Variants in WWOX observed in about 807,000 individuals in gnomAD.
WWOX encodes WW domain containing oxidoreductase.
Under a neutral mutation model 46.2 loss-of-function variants are expected in WWOX, and 69 were observed. That is an observed-to-expected ratio of 1.49 (90% confidence interval 1.23 to 1.82). The LOEUF (loss-of-function observed/expected upper bound fraction) is 1.82. Among genes scored for constraint, WWOX ranks in the 40% most tolerant of loss-of-function variants. The pLI is 0.00. For synonymous variants in WWOX, 359 were observed against 202.6 expected (o/e 1.77, Z -6.56); for missense variants, 919 against 542.6 (o/e 1.69, Z -6.89).
chr16:78,840,883 C>T (rs552297774), intron 8 of WWOX, among the ~76,000 whole-genome samples: 1 of 152,144 alleles, frequency 6.6e-6, no homozygotes, highest in South Asian at 2.1e-4. Flanking sequence ...CCAGGTAACA[C>T]ACTTGGAGTA....
At chr16:78,109,316 A>G (rs1057028690) in intron 2 of WWOX, among the ~76,000 whole-genome samples, 8 of 152,014 alleles carry the variant, frequency 5.3e-5, no homozygotes, top group Non-Finnish European at 1.0e-4. Flanking sequence ...GTGAGACCCC[A>G]TCTCAAAAAA....
At chr16:78,210,037 G>C (rs1006131003) in intron 5 of WWOX, among the ~76,000 whole-genome samples, 2 of 146,562 alleles carry the variant, frequency 1.4e-5, no homozygotes, top group Non-Finnish European at 3.0e-5. Flanking sequence ...AAGCCAAAAA[G>C]AAAAAAAAAA....
chr16:78,373,111 A>G (rs958300120), intron 5 of WWOX, among the ~76,000 whole-genome samples: 1 of 152,048 alleles, frequency 6.6e-6, no homozygotes, highest in Admixed American at 6.6e-5. Context: ...TCAGGAACAC[A>G]TCTCTTTCTT....
At chr16:78,966,394 A>G (rs2046363741) in intron 8 of WWOX, among the ~76,000 whole-genome samples, 2 of 152,182 alleles carry the variant, frequency 1.3e-5, no homozygotes, top group Non-Finnish European at 2.9e-5. Context: ...TACTGTCTAT[A>G]GAAGTTTTGG....
intron 6 of WWOX, among the ~76,000 whole-genome samples, chr16:78,419,391 A>G (rs28842797): frequency 0.069 from 10,483 of 152,144 alleles, 1,172 homozygotes; most frequent in African/African-American, 0.24. Context: ...AAAACTTTCT[A>G]TAAATCCTTA....
At chr16:78,506,214 C>T (rs986295129) in intron 8 of WWOX, among the ~76,000 whole-genome samples, 15 of 152,326 alleles carry the variant, frequency 9.8e-5, no homozygotes, top group African/African-American at 3.1e-4. Flanking sequence ...TTGGCCTCTT[C>T]GTTCTCCCTG....
At chr16:78,633,885 C>G (rs370031704) in intron 8 of WWOX, among the ~76,000 whole-genome samples, 1 of 151,914 alleles carries the variant, frequency 6.6e-6, no homozygotes, top group East Asian at 1.9e-4. Flanking sequence ...AGGGGAGGAA[C>G]CATCTGAGGT....
intron 8 of WWOX, among the ~76,000 whole-genome samples, chr16:79,119,991 C>G (rs1327660779): frequency 6.6e-6 from 1 of 152,194 alleles, no homozygotes; most frequent in African/African-American, 2.4e-5. Flanking sequence ...AGTCCAGTGT[C>G]AGTGGCTGGA....
At chr16:78,377,074 T>G (rs1209877842) in intron 5 of WWOX, among the ~76,000 whole-genome samples, 2 of 152,262 alleles carry the variant, frequency 1.3e-5, no homozygotes, top group Admixed American at 6.5e-5. Context: ...CTTTTATCAC[T>G]GACTTCCCCG....
chr16:79,090,386 C>A (rs2048935800), intron 8 of WWOX, among the ~76,000 whole-genome samples: 1 of 151,588 alleles, frequency 6.6e-6, no homozygotes, highest in Non-Finnish European at 1.5e-5. Context: ...ATTCATTCAT[C>A]CGTTCATTCA....
chr16:78,371,419 C>T (rs553881912), intron 5 of WWOX, among the ~76,000 whole-genome samples: 18 of 152,270 alleles, frequency 1.2e-4, no homozygotes, highest in Admixed American at 2.6e-4. Flanking sequence ...ACTTCAATAA[C>T]GTATGAAAAG....
At chr16:78,487,341 G>T (rs918429190) in intron 8 of WWOX, among the ~76,000 whole-genome samples, 7 of 151,946 alleles carry the variant, frequency 4.6e-5, no homozygotes, top group African/African-American at 1.7e-4. Context: ...CAGCAGAGTT[G>T]AGCCCCTGGG....
intron 8 of WWOX, among the ~76,000 whole-genome samples, chr16:79,061,450 G>C (rs1597337266): frequency 1.3e-5 from 2 of 152,304 alleles, no homozygotes; most frequent in South Asian, 4.1e-4. Flanking sequence ...AAAGCACTTG[G>C]CACTCTGGGT....
chr16:78,603,068 C>G (rs1447331782), intron 8 of WWOX, among the ~76,000 whole-genome samples: 1 of 152,218 alleles, frequency 6.6e-6, no homozygotes, highest in African/African-American at 2.4e-5. Context: ...GGAGTACTAA[C>G]TGCAATCAGA....
Position 78,919,528 on chromosome 16 carries a change from T to G in WWOX, c.1057-292080T>G, listed in dbSNP as rs527300197. Reference sequence around the variant, plus strand: ...TTTCTTTTATCTTTTTGTTTTGTTTTTTTTTTTTTTGAGGGAGTCTTGCTC... The same window carrying G: ...TTTCTTTTATCTTTTTGTTTTGTTTGTTTTTTTTTTGAGGGAGTCTTGCTC... On this transcript the variant is annotated intron_variant, in intron 8 of 8. Transcript: ENST00000566780. Among the ~76,000 whole-genome samples the G allele has an allele frequency of 8.7e-3, 1,304 of 149,988 alleles. 38 individuals carry two copies. Among genetic ancestry groups the G allele is most frequent in the East Asian group, 0.061 (312 of 5,114 alleles).
chr16:78,621,113 A>T (rs564103291), intron 8 of WWOX, among the ~76,000 whole-genome samples: 1 of 152,242 alleles, frequency 6.6e-6, no homozygotes, highest in East Asian at 1.9e-4. Context: ...ATCTTTGAAA[A>T]TGCTGGGTTT....
At chr16:78,927,281 C>G (rs1005958756) in intron 8 of WWOX, among the ~76,000 whole-genome samples, 3 of 152,214 alleles carry the variant, frequency 2.0e-5, no homozygotes, top group African/African-American at 7.2e-5. Context: ...GAACATGACA[C>G]CGGCCTCCAG....
At chr16:78,519,982 G>T (rs1390634836) in intron 8 of WWOX, among the ~76,000 whole-genome samples, 2 of 152,194 alleles carry the variant, frequency 1.3e-5, no homozygotes, top group Non-Finnish European at 2.9e-5. Context: ...TACGCATGCT[G>T]TTCTGTATTG....
At chr16:79,158,935 G>A (rs564930344) in intron 8 of WWOX, among the ~76,000 whole-genome samples, 1 of 152,270 alleles carries the variant, frequency 6.6e-6, no homozygotes, top group East Asian at 1.9e-4. Flanking sequence ...GACACACCAG[G>A]AACGTGACAT....
Sources: allele counts gnomAD v4.1 joint callset (sites outside exome capture counted in the v4.1 genomes callset), GRCh38; gene constraint gnomAD v4.1.1; transcripts MANE v1.5; gene names NCBI Gene and HGNC (gene_info 2026-07-23, HGNC 2026-07-21).